The following ZNF385B variants were observed in gnomAD, a reference collection of about 807,000 sequenced individuals.
ZNF385B encodes zinc finger protein 385B.
Under a neutral mutation model 39.2 loss-of-function variants are expected in ZNF385B, and 23 were observed. The ratio of observed to expected loss-of-function variants is 0.59; its 90% CI spans 0.42 to 0.83. ZNF385B has a LOEUF of 0.83. Ranked by LOEUF, ZNF385B falls within the 40% of genes least tolerant of loss-of-function variation. The pLI is 0.00. For missense variants in ZNF385B, 552 were observed against 598.9 expected (o/e 0.92, Z 0.82); for synonymous variants, 205 against 222.6 (o/e 0.92, Z 0.70).
At chr2:179,554,347 T>C (rs1302960444) in intron 3 of ZNF385B, among the ~76,000 whole-genome samples, 1 of 149,490 alleles carries the variant, frequency 6.7e-6, no homozygotes, top group Non-Finnish European at 1.5e-5. Context: ...ACAGATGAGA[T>C]ATCTCTTAAG....
intron 5 of ZNF385B, among the ~76,000 whole-genome samples, chr2:179,497,458 T>C (rs2056336864): frequency 6.6e-6 from 1 of 152,084 alleles, no homozygotes; most frequent in Non-Finnish European, 1.5e-5. Flanking sequence ...CTTGTATGTT[T>C]ATGCAAATAG....
At chr2:179,857,376 T>G (rs2105455661) in intron 1 of ZNF385B, among the ~76,000 whole-genome samples, 1 of 152,280 alleles carries the variant, frequency 6.6e-6, no homozygotes, top group South Asian at 2.1e-4. Context: ...CACTGACTCG[T>G]AGTCCACACG....
At chr2:179,655,106 GT>G (rs1194176051) in intron 3 of ZNF385B, among the ~76,000 whole-genome samples, 2 of 152,194 alleles carry the variant, frequency 1.3e-5, no homozygotes, top group African/African-American at 4.8e-5. Flanking sequence ...ATCATGGGTA[GT>G]TTTTGGATTC....
At chr2:179,662,530 T>A (rs1439388021) in intron 3 of ZNF385B, among the ~76,000 whole-genome samples, 1 of 152,126 alleles carries the variant, frequency 6.6e-6, no homozygotes, top group African/African-American at 2.4e-5. Context: ...GCTAATTTCA[T>A]AAAAGGAAAT....
intron 3 of ZNF385B, among the ~76,000 whole-genome samples, chr2:179,630,363 G>T (rs1691084241): frequency 6.6e-6 from 1 of 152,238 alleles, no homozygotes; most frequent in African/African-American, 2.4e-5. Context: ...CTCTGCTGGT[G>T]ATACCCAGAC....
chr2:179,717,670 G>A (rs1317555548), intron 3 of ZNF385B, among the ~76,000 whole-genome samples: 1 of 152,188 alleles, frequency 6.6e-6, no homozygotes, highest in Admixed American at 6.5e-5. Context: ...TGACGCTGCA[G>A]TGAGCTGTGG....
At chr2:179,652,060 AAT>A (rs1213236552) in intron 3 of ZNF385B, among the ~76,000 whole-genome samples, 1 of 152,160 alleles carries the variant, frequency 6.6e-6, no homozygotes, top group Non-Finnish European at 1.5e-5. Flanking sequence ...CTCCATTTTT[AAT>A]ATGTCAGAGG....
At chr2:179,777,823 C>A (rs1040391867) in intron 1 of ZNF385B, among the ~76,000 whole-genome samples, 2 of 149,100 alleles carry the variant, frequency 1.3e-5, no homozygotes, top group Non-Finnish European at 3.0e-5. Context: ...CCCAGGCTGG[C>A]AGGCAGTGGC....
chr2:179,500,626 C>T (rs2056667360), intron 5 of ZNF385B, among the ~76,000 whole-genome samples: 1 of 152,066 alleles, frequency 6.6e-6, no homozygotes, highest in African/African-American at 2.4e-5. Flanking sequence ...AATCTAAGAC[C>T]TCAAACTATA....
chr2:179,515,421 C>T (rs1408447174), intron 5 of ZNF385B, among the ~76,000 whole-genome samples: 1 of 152,128 alleles, frequency 6.6e-6, no homozygotes, highest in Non-Finnish European at 1.5e-5. Context: ...CCTTATGGCA[C>T]TGAGAATGCC....
At position 179,566,548 on chromosome 2, in the gene ZNF385B, G is replaced by A. The variant is rs114241689; in HGVS notation, c.299-21579C>T. Among the ~76,000 whole-genome samples the A allele has an allele frequency of 6.5e-3, 988 of 152,212 alleles. 9 individuals carry two copies. Among genetic ancestry groups the A allele is most frequent in the African/African-American group, 0.023 (944 of 41,542 alleles). On this transcript the variant is annotated intron_variant, in intron 3 of 9. Coordinates refer to ENST00000410066, the MANE Select transcript of ZNF385B (RefSeq NM_152520.6). The stretch of plus-strand genomic sequence containing the variant: ...CTGAAGCCAACTTAGTTGTGTATTC[G>A]AATGGTTACTTTTCATTGCTAGGAT...
chr2:179,478,174 T>C (rs113956003), intron 6 of ZNF385B, among the ~76,000 whole-genome samples: 8 of 152,312 alleles, frequency 5.3e-5, no homozygotes, highest in African/African-American at 1.9e-4. Context: ...AGGTTCTTCA[T>C]TGTTACTATA....
intron 3 of ZNF385B, among the ~76,000 whole-genome samples, chr2:179,634,281 A>G (rs1691521739): frequency 6.6e-6 from 1 of 152,206 alleles, no homozygotes; most frequent in African/African-American, 2.4e-5. Context: ...ACAGAATGGG[A>G]GAAAATTTTT....
chr2:179,806,086 T>G lies in ZNF385B; in HGVS notation c.-154-35414A>C, dbSNP rs1209967593. On this transcript the variant is annotated intron_variant, in intron 1 of 9. Transcript: ENST00000410066. ...GTTAAATATAACCATACTAAAAATT[T>G]TAAATTTTGTACCAACAAACAGACA... 2.0e-5 allele frequency among the ~76,000 whole-genome samples: 3 copies of G among 152,172 alleles called. No individual in the cohort carries two copies. In the East Asian group the frequency reaches 5.8e-4, roughly 29 times the overall value.
chr2:179,534,716 C>G (rs2059452814), intron 4 of ZNF385B: 1 of 152,070 alleles, frequency 6.6e-6, no homozygotes, highest in Non-Finnish European at 1.5e-5. Context: ...CCTTGTTCTC[C>G]CCTTTATTCT....
At chr2:179,632,844 G>A (rs1307563438) in intron 3 of ZNF385B, among the ~76,000 whole-genome samples, 2 of 152,184 alleles carry the variant, frequency 1.3e-5, no homozygotes, top group East Asian at 3.9e-4. Context: ...GAATCAAATA[G>A]ACACAATAAA....
At chr2:179,847,589 C>T (rs557857211) in intron 1 of ZNF385B, among the ~76,000 whole-genome samples, 2 of 152,072 alleles carry the variant, frequency 1.3e-5, no homozygotes, top group Non-Finnish European at 2.9e-5. Flanking sequence ...TTTCCTAAAC[C>T]CTTCTCTTTT....
intron 3 of ZNF385B, among the ~76,000 whole-genome samples, chr2:179,758,087 T>C (rs1055952192): frequency 1.3e-5 from 2 of 152,146 alleles, no homozygotes; most frequent in Non-Finnish European, 2.9e-5. Flanking sequence ...GCTGTTCCTA[T>C]TTGGCCATCT....
chr2:179,635,182 C>A (rs960081263), intron 3 of ZNF385B, among the ~76,000 whole-genome samples: 2 of 151,500 alleles, frequency 1.3e-5, no homozygotes, highest in African/African-American at 2.4e-5. Context: ...GACACATATA[C>A]ACCATGGAAT....
Sources: gnomAD v4.1 joint callset for allele counts (sites outside exome capture counted in the v4.1 genomes callset) on GRCh38, gnomAD v4.1.1 for gene constraint, MANE v1.5 for transcripts, NCBI Gene and HGNC (gene_info 2026-07-23, HGNC 2026-07-21) for gene names.